Variants in PTPRR observed in about 807,000 individuals in gnomAD.
The protein encoded by PTPRR is receptor-type tyrosine-protein phosphatase R.
Under a neutral mutation model 77.2 loss-of-function variants are expected in PTPRR, and 38 were observed. The observed-to-expected ratio is 0.49, with a 90% CI of 0.38 to 0.65. The LOEUF is 0.65. Ranked by LOEUF, PTPRR falls within the 30% of genes least tolerant of loss-of-function variation. The pLI is 0.00. For missense variants in PTPRR, 744 were observed against 799.2 expected (o/e 0.93, Z 0.83); for synonymous variants, 299 against 283.1 (o/e 1.06, Z -0.57).
At chr12:70,757,579 T>C (rs1369508564) in intron 4 of PTPRR, among the ~76,000 whole-genome samples, 1 of 152,140 alleles carries the variant, frequency 6.6e-6, no homozygotes, top group African/African-American at 2.4e-5. Flanking sequence ...AAGAACAGTT[T>C]TCTAGTTGGG....
chr12:70,815,406 G>GA (rs1891885417), intron 2 of PTPRR, among the ~76,000 whole-genome samples: 1 of 152,070 alleles, frequency 6.6e-6, no homozygotes, highest in Non-Finnish European at 1.5e-5. Context: ...CATAATGGAT[G>GA]AAAAATCTAT....
chr12:70,843,061 GA>G lies in PTPRR; in HGVS notation c.357+49617del, dbSNP rs561591845. Among the ~76,000 whole-genome samples, 387 of 152,054 alleles carry G rather than the reference GA, an allele frequency of 2.5e-3. 1 individual carries two copies. The highest frequency in any genetic ancestry group is 4.1e-3 in the Non-Finnish European group (278 of 67,972). ...AGTTGAAATAAATCACCCACAAAATGAAAAAACAAAGACATACTTGTACAAA... is the reference window on the plus strand; with the variant it reads ...AGTTGAAATAAATCACCCACAAAATGAAAAACAAAGACATACTTGTACAAA... On this transcript the variant is annotated intron_variant, in intron 2 of 13. Transcript: ENST00000283228.
intron 10 of PTPRR, among the ~76,000 whole-genome samples, chr12:70,678,398 A>G (rs1887529515): frequency 6.6e-6 from 1 of 151,940 alleles, no homozygotes; most frequent in African/African-American, 2.4e-5. Context: ...CAGATTTTCT[A>G]TTTCTTCATT....
chr12:70,706,974 C>G (rs1888640508), intron 6 of PTPRR, among the ~76,000 whole-genome samples: 1 of 148,950 alleles, frequency 6.7e-6, no homozygotes, highest in Non-Finnish European at 1.5e-5. Context: ...TTAATAATAA[C>G]ATGGTGATTT....
At chr12:70,890,426 G>A (rs1893315497) in intron 2 of PTPRR, among the ~76,000 whole-genome samples, 1 of 152,140 alleles carries the variant, frequency 6.6e-6, no homozygotes, top group African/African-American at 2.4e-5. Flanking sequence ...GAAGGGAGGA[G>A]AGACACAACT....
chr12:70,666,757 A>G (rs959746594), intron 10 of PTPRR, among the ~76,000 whole-genome samples: 32 of 151,996 alleles, frequency 2.1e-4, no homozygotes, highest in African/African-American at 6.8e-4. Context: ...TAATATATAA[A>G]CAATGTGATT....
intron 2 of PTPRR, chr12:70,788,717 T>C: frequency 1.2e-6 from 1 of 855,022 alleles, no homozygotes. Flanking sequence ...TTTTTCTACA[T>C]TTACATGAAC....
chr12:70,887,150 G>C (rs532221033), intron 2 of PTPRR, among the ~76,000 whole-genome samples: 19 of 152,180 alleles, frequency 1.2e-4, no homozygotes, highest in Non-Finnish European at 1.6e-4. Flanking sequence ...CAAGCTGTCT[G>C]TTAAAAATTT....
chr12:70,769,452 A>G (rs1044946434), intron 2 of PTPRR, among the ~76,000 whole-genome samples: 1 of 152,224 alleles, frequency 6.6e-6, no homozygotes, highest in Non-Finnish European at 1.5e-5. Flanking sequence ...CCAACTTACA[A>G]GGGACGTGAA....
At chr12:70,690,519 T>C (rs12423747) in intron 8 of PTPRR, among the ~76,000 whole-genome samples, 5,229 of 152,284 alleles carry the variant, frequency 0.034, 161 homozygotes, top group African/African-American at 0.075. Context: ...AACTAAGCCC[T>C]CAGGCCCCAT....
chr12:70,706,678 C>T (rs1888631241), intron 6 of PTPRR, among the ~76,000 whole-genome samples: 1 of 152,006 alleles, frequency 6.6e-6, no homozygotes, highest in South Asian at 2.1e-4. Flanking sequence ...GCAAAATTTA[C>T]TACACCCTTA....
intron 5 of PTPRR, among the ~76,000 whole-genome samples, chr12:70,746,977 G>A (rs1412729518): frequency 1.3e-5 from 2 of 151,984 alleles, no homozygotes; most frequent in Non-Finnish European, 2.9e-5. Context: ...AAAAAAGGGT[G>A]GATTTGGAAT....
In PTPRR at chr12:70,919,673, G is replaced by GTTTTTTTTTTTT. The variant is rs58439089; in HGVS notation, c.58+648_58+659dup. ...GGTTGTCAGCTTTGGAACTGTAATTGTTTTTTTTTTTTTTTTTTTTTTTTT... is the reference window on the plus strand; with the variant it reads ...GGTTGTCAGCTTTGGAACTGTAATTGTTTTTTTTTTTTTTTTTTTTTTTTTTTTTTTTTTTTT... On this transcript the variant is annotated intron_variant, in intron 1 of 13. Coordinates refer to ENST00000283228, the MANE Select transcript of PTPRR (RefSeq NM_002849.4). 1.9e-4 allele frequency among the ~76,000 whole-genome samples: 21 copies of GTTTTTTTTTTTT among 110,080 alleles called. 2 individuals carry two copies. Among genetic ancestry groups the GTTTTTTTTTTTT allele is most frequent in the Admixed American group, 6.4e-4 (6 of 9,356 alleles). The allele number at this position is 110,080 out of a possible 152,430, so 72.2% of individuals were successfully genotyped here.
intron 6 of PTPRR, among the ~76,000 whole-genome samples, chr12:70,725,975 C>T (rs1889419696): frequency 6.6e-6 from 1 of 151,872 alleles, no homozygotes; most frequent in Admixed American, 6.6e-5. Flanking sequence ...AAATCATTGT[C>T]AATACTATTG....
chr12:70,811,708 T>C (rs965955925), intron 2 of PTPRR, among the ~76,000 whole-genome samples: 1 of 152,228 alleles, frequency 6.6e-6, no homozygotes, highest in African/African-American at 2.4e-5. Context: ...ATTAAATTGT[T>C]CCCACACCCT....
chr12:70,649,058 A>C (rs1886300329), intron 13 of PTPRR, among the ~76,000 whole-genome samples: 1 of 152,196 alleles, frequency 6.6e-6, no homozygotes, highest in Non-Finnish European at 1.5e-5. Context: ...TGTCATTGTT[A>C]TACTGGAAAT....
At chr12:70,682,149 T>C (rs1188980550) in intron 10 of PTPRR, among the ~76,000 whole-genome samples, 6 of 143,532 alleles carry the variant, frequency 4.2e-5, no homozygotes, top group African/African-American at 1.5e-4. Flanking sequence ...GTTCACGCCA[T>C]TCTCCTGCCT....
chr12:70,898,324 T>C (rs111851412), intron 1 of PTPRR, among the ~76,000 whole-genome samples: 306 of 150,892 alleles, frequency 2.0e-3, no homozygotes, highest in Non-Finnish European at 3.9e-3. Flanking sequence ...TCTATAAATG[T>C]GAACCCAATG....
At chr12:70,825,691 C>T (rs1242225625) in intron 2 of PTPRR, among the ~76,000 whole-genome samples, 5 of 152,224 alleles carry the variant, frequency 3.3e-5, no homozygotes, top group South Asian at 2.1e-4. Context: ...CTCTGTTGCA[C>T]GGTGCTCCCT....
Sources: allele counts gnomAD v4.1 joint callset (sites outside exome capture counted in the v4.1 genomes callset), GRCh38; gene constraint gnomAD v4.1.1; transcripts MANE v1.5; gene names NCBI Gene and HGNC (gene_info 2026-07-23, HGNC 2026-07-21).